MTOR: variants seen among roughly 807,000 people sequenced by gnomAD.
MTOR encodes the protein mechanistic target of rapamycin kinase.
A neutral mutation model predicts 319.8 loss-of-function variants in MTOR; 70 were observed. The ratio of observed to expected loss-of-function variants is 0.22; its 90% CI spans 0.18 to 0.27. The LOEUF (loss-of-function observed/expected upper bound fraction) is 0.27. Ranked by LOEUF, MTOR falls within the 10% of genes least tolerant of loss-of-function variation. The pLI is 1.00. For missense variants in MTOR, 1,890 were observed against 3,274.4 expected (o/e 0.58, Z 10.32); for synonymous variants, 1,183 against 1,211.4 (o/e 0.98, Z 0.49).
At chr1:11,159,063 G>T (rs938743639) in intron 29 of MTOR, among the ~76,000 whole-genome samples, 13 of 152,172 alleles carry the variant, frequency 8.5e-5, no homozygotes, top group Non-Finnish European at 4.4e-5. Flanking sequence ...GATGGAGAAA[G>T]TTTCATTGAA....
At chr1:11,258,276 GAA>G (rs1650686903) in intron 3 of MTOR, among the ~76,000 whole-genome samples, 1 of 152,182 alleles carries the variant, frequency 6.6e-6, no homozygotes, top group Non-Finnish European at 1.5e-5. Context: ...TAAACTGTCT[GAA>G]AAGTCACTCG....
chr1:11,257,380 C>CAAAA (rs1006118528), intron 3 of MTOR, among the ~76,000 whole-genome samples: 5 of 36,730 alleles, frequency 1.4e-4, no homozygotes, highest in Non-Finnish European at 2.5e-4. Context: ...TACTAAGATA[C>CAAAA]AAAAAAAAAA....
At position 11,234,283 on chromosome 1, in the gene MTOR, T is replaced by G. The variant is rs561817453; in HGVS notation, c.2209-18A>C. 2.5e-6 allele frequency: 4 copies of G among 1,599,932 alleles called. No homozygotes were observed. The African/African-American group carries it at 5.4e-5, about 21-fold the overall frequency. On this transcript the variant is annotated intron_variant, in intron 13 of 57. Coordinates refer to ENST00000361445, the MANE Select transcript of MTOR (RefSeq NM_004958.4). ...GTCAAAATCTGTAGGGAAGAAAGGC[T>G]CATATGTTCTCTATGGCAGAAGACA...
At chr1:11,190,028 C>T in intron 28 of MTOR, 1 of 1,515,080 alleles carries the variant, frequency 6.6e-7, no homozygotes, top group Non-Finnish European at 8.8e-7. Context: ...ATATCCTGGT[C>T]ATCAGAACCA....
At chr1:11,143,600 T>C (rs192185214) in intron 34 of MTOR, among the ~76,000 whole-genome samples, 1 of 152,338 alleles carries the variant, frequency 6.6e-6, no homozygotes, top group Admixed American at 6.5e-5. Flanking sequence ...TCATAGATGT[T>C]CCTTTGCCCA....
intron 20 of MTOR, among the ~76,000 whole-genome samples, chr1:11,215,793 A>G (rs1360454417): frequency 1.3e-5 from 2 of 152,328 alleles, no homozygotes; most frequent in South Asian, 4.1e-4. Flanking sequence ...CAATCCCTTC[A>G]TGGTTTATGA....
At chr1:11,160,075 C>CATGCATTTATTTATTT (rs1644427983) in intron 29 of MTOR, among the ~76,000 whole-genome samples, 1 of 143,338 alleles carries the variant, frequency 7.0e-6, no homozygotes, top group Non-Finnish European at 1.5e-5. Flanking sequence ...TCAATTATAG[C>CATGCATTTATTTATTT]ATTTATTTAT....
At position 11,141,803 on chromosome 1, in the gene MTOR, G is replaced by A. The variant is rs549836157; in HGVS notation, c.4873-2145C>T. ...AGATCGAGATCATCCTGGCTAATACGGTGAAACCCCGTCTCTACTAAAAAA... is the reference window on the plus strand; with the variant it reads ...AGATCGAGATCATCCTGGCTAATACAGTGAAACCCCGTCTCTACTAAAAAA... On this transcript the variant is annotated intron_variant, in intron 34 of 57. Coordinates refer to ENST00000361445, the MANE Select transcript of MTOR (RefSeq NM_004958.4). 1.7e-4 allele frequency among the ~76,000 whole-genome samples: 26 copies of A among 149,908 alleles called. No individual in the cohort carries two copies. In the South Asian group the frequency reaches 5.0e-3, roughly 29 times the overall value.
In MTOR at chr1:11,127,787, C is replaced by T. The variant is rs1642915001; in HGVS notation, c.6053G>A (p.Arg2018Gln). The part of the protein sequence containing the change: ...QAMMVSEELI[R>Q]VAILWHEMWH... ...CATCTCATGCCAGAGGATGGCCACTCGGATCAGCTCCTCGCTCACCTGAAG... is the reference window on the plus strand; with the variant it reads ...CATCTCATGCCAGAGGATGGCCACTTGGATCAGCTCCTCGCTCACCTGAAG... The change falls in exon 44 of 58, where the codon CGA becomes CAA. Residue 2018 changes from arginine to glutamine, a missense_variant. Coordinates refer to ENST00000361445, the MANE Select transcript of MTOR (RefSeq NM_004958.4). The surrounding 1 kb of genome is among the most constrained non-coding windows in gnomAD (Gnocchi z 5.5). The T allele has an allele frequency of 3.7e-6, 6 of 1,613,162 alleles. No homozygotes were observed. Among genetic ancestry groups the T allele is most frequent in the African/African-American group, 1.3e-5 (1 of 74,860 alleles).
chr1:11,217,654 G>C (rs1298141497), intron 19 of MTOR, among the ~76,000 whole-genome samples: 1 of 149,626 alleles, frequency 6.7e-6, no homozygotes, highest in African/African-American at 2.5e-5. Flanking sequence ...TTCATGATCC[G>C]CCCGCCTTGC....
In MTOR at chr1:11,128,062, T is replaced by C. The variant is rs2100413536; in HGVS notation, c.5975A>G (p.Asn1992Ser). The change falls in exon 43 of 58, where the codon AAC (asparagine) becomes AGC (serine). Residue 1992 changes from asparagine to serine, a missense_variant. Around this residue, in one of 15 missense-constraint regions of MTOR, gnomAD observed 249 missense variants for 596.2 expected, o/e 0.42. Transcript: ENST00000361445. The surrounding 1 kb of genome is among the most constrained non-coding windows in gnomAD (Gnocchi z 5.3). ...STTTARHNAANKILKNMCEHS... is the reference protein window; with the variant it reads ...STTTARHNAASKILKNMCEHS... ...CTCACACATGTTCTTCAGAATCTTG[T>C]TGGCTGCATTGTGCCGGGCTGTCGT... 6.2e-7 allele frequency: 1 copy of C among 1,614,212 alleles called. No individual in the cohort carries two copies. The highest frequency in any genetic ancestry group is 8.5e-7 in the Non-Finnish European group (1 of 1,180,044).
rs753263119 is a variant in MTOR, at chr1:11,115,481, G to A, written c.7017-13C>T. 9 of 1,611,826 alleles carry A rather than the reference G, an allele frequency of 5.6e-6. No individual in the cohort carries two copies. Among genetic ancestry groups the A allele is most frequent in the Admixed American group, 5.0e-5 (3 of 59,994 alleles). ...GTTGGATGGGTGTCTTTGAGAAACA[G>A]AAGACAGATCAGGGAGGGATCAACA... On this transcript the variant is annotated splice_polypyrimidine_tract_variant and intron_variant, in intron 50 of 57. Transcript: ENST00000361445. This position sits in a 1 kb window ranked among gnomAD's most constrained non-coding sequence, Gnocchi z 4.5.
At position 11,213,045 on chromosome 1, in the gene MTOR, T is replaced by A. The variant is rs374627292; in HGVS notation, c.3286-137A>T. On this transcript the variant is annotated intron_variant, in intron 21 of 57. Coordinates refer to ENST00000361445, the MANE Select transcript of MTOR (RefSeq NM_004958.4). ...CTTTATTAAATGGCCTTGAACTATA[T>A]CCTTTTGATAGCACTTTCTTCCCCT... 7.9e-5 allele frequency: 51 copies of A among 646,948 alleles called. No individual in the cohort carries two copies. The East Asian group carries it at 1.2e-3, about 15-fold the overall frequency. The allele number at this position is 646,948 out of a possible 1,614,324, so 40.1% of individuals were successfully genotyped here.
In MTOR at chr1:11,237,985, T is replaced by C. The variant is rs1402081806; in HGVS notation, c.2066A>G (p.Gln689Arg). 1.9e-6 allele frequency: 3 copies of C among 1,614,090 alleles called. No individual in the cohort carries two copies. Among genetic ancestry groups the C allele is most frequent in the Non-Finnish European group, 2.5e-6 (3 of 1,180,044 alleles). Residue 689 changes from glutamine (Q) to arginine (R), a missense_variant, in exon 13 of 58, where the codon CAG becomes CGG. Gln to Arg is a conservative substitution (Grantham distance 43, BLOSUM62 1). This residue lies in a region of MTOR where 377 missense variants were observed against 653.9 expected (regional missense o/e 0.58). Transcript: ENST00000361445. ...AAACAAGGCCTGCAAGTTCTCCGCCTGGGCCAGGTGTGCATCAAAGCGCTC... is the reference window on the plus strand; with the variant it reads ...AAACAAGGCCTGCAAGTTCTCCGCCCGGGCCAGGTGTGCATCAAAGCGCTC... ...LDERFDAHLA[Q>R]AENLQALFVA... is the part of the protein sequence containing the mutation.
At chr1:11,122,205 T>C (rs1282308309) in intron 47 of MTOR, 79 bp from the exon 48 acceptor site, 10 of 1,410,042 alleles carry the variant, frequency 7.1e-6, no homozygotes, top group Admixed American at 2.2e-5. Context: ...AGGCAGACTG[T>C]TTTTTTTTTC....
rs1452153818 is a variant in MTOR at position 11,119,400 on chromosome 1, A to G, written c.6933+1846T>C. Among the ~76,000 whole-genome samples the G allele has an allele frequency of 2.7e-5, 4 of 150,516 alleles. No individual in the cohort carries two copies. In the East Asian group the frequency reaches 5.9e-4, roughly 22 times the overall value. ...GCTAACATGGTGAAACCCCGTCTCT[A>G]TTAAAAATACAAAAAAAAAAATTAG... On this transcript the variant is annotated intron_variant, in intron 49 of 57. Transcript: ENST00000361445.
chr1:11,108,551 T>C (rs928798255), intron 56 of MTOR, among the ~76,000 whole-genome samples: 2 of 151,488 alleles, frequency 1.3e-5, no homozygotes, highest in Admixed American at 6.6e-5. Flanking sequence ...CTGTCTTTAC[T>C]AAAAATACAA....
chr1:11,177,774 G>A (rs1276474242), intron 28 of MTOR, among the ~76,000 whole-genome samples: 1 of 152,112 alleles, frequency 6.6e-6, no homozygotes, highest in Non-Finnish European at 1.5e-5. Flanking sequence ...ATTAGGAAGT[G>A]CGTGGGGGAA....
At chr1:11,134,488 G>A in intron 36 of MTOR, 22 bp from the exon 37 acceptor site, 1 of 1,610,606 alleles carries the variant, frequency 6.2e-7, no homozygotes, top group Non-Finnish European at 8.5e-7. Flanking sequence ...CAAAGGCACA[G>A]AGAGCCACTT....
Sources: allele counts gnomAD v4.1 joint callset (sites outside exome capture counted in the v4.1 genomes callset), GRCh38; gene constraint gnomAD v4.1.1; regional missense constraint gnomAD v4.1.1; non-coding constraint Gnocchi (gnomAD v3.1); transcripts MANE v1.5; gene names NCBI Gene and HGNC (gene_info 2026-07-23, HGNC 2026-07-21).